The following NRTN variants were observed in gnomAD, a reference collection of about 807,000 sequenced individuals.
NRTN encodes the protein prepro-neurturin.
NRTN carries 3 observed loss-of-function variants against 7.5 expected under a neutral mutation model. That is an observed-to-expected ratio of 0.40 (90% CI 0.18 to 1.03). NRTN has a LOEUF of 1.03. Among genes scored for constraint, NRTN ranks in the 50% least tolerant of loss-of-function variants. The pLI is 0.34. For missense variants in NRTN, 310 were observed against 307.0 expected (o/e 1.01, Z -0.07); for synonymous variants, 157 against 146.6 (o/e 1.07, Z -0.51).
At chr19:5,813,963 A>G (rs1008586935) in intron 1 of NRTN, among the ~76,000 whole-genome samples, 1 of 151,970 alleles carries the variant, frequency 6.6e-6, no homozygotes, top group Non-Finnish European at 1.5e-5. Context: ...AGCTGAGATA[A>G]CACCATTGCG....
chr19:5,823,468 A>G (rs1423215761), intron 1 of NRTN, among the ~76,000 whole-genome samples: 4 of 152,042 alleles, frequency 2.6e-5, no homozygotes, highest in African/African-American at 7.2e-5. Flanking sequence ...GTGGGGAGGG[A>G]GGGAAGAAGT....
intron 1 of NRTN, among the ~76,000 whole-genome samples, chr19:5,819,204 C>T (rs1360469877): frequency 6.6e-6 from 1 of 151,142 alleles, no homozygotes; most frequent in African/African-American, 2.4e-5. Context: ...ACCTCTGGAC[C>T]TGTTTCCCAT....
chr19:5,827,709 A>G, intron 2 of NRTN, 40 bp from the exon 3 acceptor site: 2 of 322,094 alleles, frequency 6.2e-6, no homozygotes, highest in Non-Finnish European at 9.8e-6. Context: ...CACCCCCTGC[A>G]CCCACTGACC....
intron 1 of NRTN, among the ~76,000 whole-genome samples, chr19:5,820,172 A>T (rs1259449128): frequency 1.4e-5 from 2 of 145,116 alleles, no homozygotes; most frequent in African/African-American, 2.7e-5. Flanking sequence ...AGGCTGAGGC[A>T]GGAGAATGGC....
chr19:5,820,735 CAAGAAAAAAAAAAAAAAAA>C (rs1298183084), intron 1 of NRTN, among the ~76,000 whole-genome samples: 1 of 62,134 alleles, frequency 1.6e-5, no homozygotes, highest in African/African-American at 6.0e-5. Context: ...AACTCTGTCT[CAAGAAAAAAAAAAAAAAAA>C]AAAAAAAAAA....
Position 5,824,052 on chromosome 19 carries a change from G to A in NRTN, c.-114G>A. 7.6e-7 allele frequency: 1 copy of A among 1,320,352 alleles called. No individual in the cohort carries two copies. Among genetic ancestry groups the A allele is most frequent in the East Asian group, 2.3e-5 (1 of 42,938 alleles). The allele number at this position is 1,320,352 out of a possible 1,614,324, so 81.8% of individuals were successfully genotyped here. A position where few individuals can be genotyped will look rare whatever the true frequency, so the allele number is the denominator to read the frequency against. On this transcript the variant is annotated 5_prime_UTR_variant, in exon 2 of 3. Transcript: ENST00000303212. The stretch of plus-strand genomic sequence containing the variant: ...CCATGTGATTATCGACCATTCGGCA[G>A]GCGTTCAAAGTCAAAGGCCCCACAC...
At chr19:5,808,008 A>G (rs2056979170) in intron 1 of NRTN, among the ~76,000 whole-genome samples, 1 of 152,192 alleles carries the variant, frequency 6.6e-6, no homozygotes, top group South Asian at 2.1e-4. Context: ...TCTTGAGCCC[A>G]GGAGGTCGAG....
chr19:5,818,755 C>T (rs1346433703), intron 1 of NRTN, among the ~76,000 whole-genome samples: 1 of 152,070 alleles, frequency 6.6e-6, no homozygotes, highest in Non-Finnish European at 1.5e-5. Context: ...TGCCCTCCGC[C>T]ACACCCACAT....
At chr19:5,819,026 A>G (rs2057014712) in intron 1 of NRTN, among the ~76,000 whole-genome samples, 1 of 152,178 alleles carries the variant, frequency 6.6e-6, no homozygotes, top group African/African-American at 2.4e-5. Flanking sequence ...GACTTGTTCC[A>G]ATCCAATGGG....
Position 5,824,309 on chromosome 19 carries a change from C to T in NRTN, c.144C>T (p.Asp48=), listed in dbSNP as rs61731573. 4.2e-3 allele frequency: 6,670 copies of T among 1,606,660 alleles called. 247 individuals are homozygous for T. In the African/African-American group the frequency reaches 0.079, roughly 19 times the overall value. Reference sequence around the variant, plus strand: ...TGCACCGCCTGCCTCGAACCCTGGACGCCCGGATTGCCCGCCTGGCCCAGT... The same window carrying T: ...TGCACCGCCTGCCTCGAACCCTGGATGCCCGGATTGCCCGCCTGGCCCAGT... ...VPLHRLPRTL[D]ARIARLAQYR... is the part of the protein sequence containing the mutation. Residue 48 remains aspartate (D), a synonymous_variant, in exon 2 of 3, where the codon GAC becomes GAT. Coordinates refer to ENST00000303212, the MANE Select transcript of NRTN (RefSeq NM_004558.5).
chr19:5,810,991 C>T (rs943021658), intron 1 of NRTN, among the ~76,000 whole-genome samples: 3 of 151,686 alleles, frequency 2.0e-5, no homozygotes, highest in African/African-American at 4.8e-5. Flanking sequence ...AATCCCAGCT[C>T]TTTGGGAGTC....
rs1432670919 is a variant in NRTN at position 5,827,775 on chromosome 19, G to C, written c.196G>C (p.Asp66His). The C allele has an allele frequency of 2.5e-6, 3 of 1,220,644 alleles. No individual in the cohort carries two copies. The highest frequency in any genetic ancestry group is 3.1e-6 in the Non-Finnish European group (3 of 977,900). The allele number at this position is 1,220,644 out of a possible 1,614,324, so 75.6% of individuals were successfully genotyped here. A position where few individuals can be genotyped will look rare whatever the true frequency, so the allele number is the denominator to read the frequency against. The change falls in exon 3 of 3, where the codon GAT (aspartate) becomes CAT (histidine). Residue 66 changes from aspartate to histidine, a missense_variant. Coordinates refer to ENST00000303212, the MANE Select transcript of NRTN (RefSeq NM_004558.5). ...QYRALLQGAP[D>H]AMELRELTPW... is the part of the protein sequence containing the mutation. ...CCGTGCACTCCTGCAGGGGGCCCCG[G>C]ATGCGATGGAGCTGCGCGAGCTGAC...
intron 1 of NRTN, among the ~76,000 whole-genome samples, chr19:5,816,977 T>A (rs2057007060): frequency 6.6e-6 from 1 of 152,170 alleles, no homozygotes; most frequent in South Asian, 2.1e-4. Context: ...TGTGTGGATG[T>A]GATTGTGTTA....
At chr19:5,812,431 G>C (rs929893568) in intron 1 of NRTN, among the ~76,000 whole-genome samples, 16 of 152,166 alleles carry the variant, frequency 1.1e-4, no homozygotes, top group Admixed American at 9.2e-4. Context: ...CTCTTTCTCC[G>C]GCAGACCTGG....
In NRTN at chr19:5,828,113, C is replaced by T. The variant is rs371876101; in HGVS notation, c.534C>T (p.Asp178=). 1 of 1,502,868 alleles carries T rather than the reference C, an allele frequency of 6.7e-7. No homozygotes were observed. Among genetic ancestry groups the T allele is most frequent in the East Asian group, 2.7e-5 (1 of 36,604 alleles). The allele number at this position is 1,502,868 out of a possible 1,614,324, so 93.1% of individuals were successfully genotyped here. A position where few individuals can be genotyped will look rare whatever the true frequency, so the allele number is the denominator to read the frequency against. The change falls in exon 3 of 3, where the codon GAC becomes GAT. Residue 178 remains aspartate (D), a synonymous_variant. Transcript: ENST00000303212. The stretch of plus-strand genomic sequence containing the variant: ...ACGAGGACGAGGTGTCCTTCCTGGA[C>T]GCGCACAGCCGCTACCACACGGTGC... The part of the protein sequence containing the change: ...TAYEDEVSFL[D]AHSRYHTVHE...
intron 1 of NRTN, among the ~76,000 whole-genome samples, chr19:5,822,645 G>T (rs1176763270): frequency 2.6e-5 from 4 of 152,206 alleles, no homozygotes; most frequent in African/African-American, 9.6e-5. Flanking sequence ...AGAGGTTGAA[G>T]TGAATAGGGT....
chr19:5,827,784 G>A lies in NRTN; in HGVS notation c.205G>A (p.Glu69Lys). Residue 69 changes from glutamate (E) to lysine (K), a missense_variant, in exon 3 of 3, where the codon GAG becomes AAG. By Grantham distance (56) the Glu-to-Lys change is moderately conservative. Transcript: ENST00000303212. ...CCTGCAGGGGGCCCCGGATGCGATG[G>A]AGCTGCGCGAGCTGACGCCCTGGGC... is the stretch of plus-strand genomic sequence containing the variant. ...ALLQGAPDAM[E>K]LRELTPWAGR... 1 of 1,212,212 alleles carries A rather than the reference G, an allele frequency of 8.2e-7. No homozygotes were observed. The highest frequency in any genetic ancestry group is 1.0e-6 in the Non-Finnish European group (1 of 973,212). The allele number at this position is 1,212,212 out of a possible 1,614,324, so 75.1% of individuals were successfully genotyped here.
At chr19:5,809,284 C>T (rs1415117250) in intron 1 of NRTN, among the ~76,000 whole-genome samples, 1 of 151,492 alleles carries the variant, frequency 6.6e-6, no homozygotes, top group Non-Finnish European at 1.5e-5. Flanking sequence ...GATCCTCTTG[C>T]GTCAGCTTCC....
At chr19:5,820,735 CAAGAAAAAAAAAAA>C (rs1278468010) in intron 1 of NRTN, among the ~76,000 whole-genome samples, 4 of 62,134 alleles carry the variant, frequency 6.4e-5, no homozygotes. Flanking sequence ...AACTCTGTCT[CAAGAAAAAAAAAAA>C]AAAAAAAAAA....
Sources: gnomAD v4.1 joint callset for allele counts (sites outside exome capture counted in the v4.1 genomes callset) on GRCh38, gnomAD v4.1.1 for gene constraint, MANE v1.5 for transcripts, NCBI Gene and HGNC (gene_info 2026-07-23, HGNC 2026-07-21) for gene names.